Variants in PAPPA2 observed in about 807,000 individuals in gnomAD.
The protein encoded by PAPPA2 is pappalysin-2.
In PAPPA2, 86 loss-of-function variants were observed where a neutral mutation model predicts 176.4. That is an observed-to-expected ratio of 0.49 (90% CI 0.41 to 0.58). The LOEUF (loss-of-function observed/expected upper bound fraction) is 0.58, where lower values mean the gene tolerates loss of function less well. PAPPA2 is among the 20% of genes least tolerant of loss of function. PAPPA2 has a pLI of 0.00. For synonymous variants in PAPPA2, 809 were observed against 852.2 expected (o/e 0.95, Z 0.88); for missense variants, 2,073 against 2,256.9 (o/e 0.92, Z 1.65).
intron 1 of PAPPA2, among the ~76,000 whole-genome samples, chr1:176,470,406 G>A (rs1442281036): frequency 2.6e-5 from 4 of 152,130 alleles, no homozygotes; most frequent in African/African-American, 4.8e-5. Flanking sequence ...CCTTCCCTTA[G>A]TTCCTGGTGA....
At chr1:176,603,962 G>A (rs1654472546) in intron 3 of PAPPA2, among the ~76,000 whole-genome samples, 1 of 152,140 alleles carries the variant, frequency 6.6e-6, no homozygotes, top group Admixed American at 6.5e-5. Context: ...CTGATCTATA[G>A]GGTCATATAG....
At chr1:176,786,277 C>A (rs911286405) in intron 17 of PAPPA2, among the ~76,000 whole-genome samples, 3 of 152,058 alleles carry the variant, frequency 2.0e-5, no homozygotes, top group Non-Finnish European at 4.4e-5. Context: ...CTAAGCAATA[C>A]ATTTCATTTG....
chr1:176,634,245 A>G (rs1425961693), intron 3 of PAPPA2, among the ~76,000 whole-genome samples: 1 of 152,238 alleles, frequency 6.6e-6, no homozygotes, highest in Non-Finnish European at 1.5e-5. Flanking sequence ...CTTATACACC[A>G]TGGAATACTA....
intron 22 of PAPPA2, 51 bp downstream of exon 22, chr1:176,840,322 G>T (rs1225146748): frequency 7.0e-7 from 1 of 1,429,898 alleles, no homozygotes; most frequent in Non-Finnish European, 9.8e-7. Flanking sequence ...AGGAATAAAG[G>T]CAGGGTCTTC....
At chr1:176,676,861 T>C (rs1659325380) in intron 4 of PAPPA2, among the ~76,000 whole-genome samples, 1 of 152,122 alleles carries the variant, frequency 6.6e-6, no homozygotes, top group South Asian at 2.1e-4. Flanking sequence ...TGAATGAAGG[T>C]ATAGTTGAGT....
At chr1:176,679,712 C>T (rs916143838) in intron 4 of PAPPA2, among the ~76,000 whole-genome samples, 3 of 151,802 alleles carry the variant, frequency 2.0e-5, no homozygotes, top group South Asian at 2.1e-4. Flanking sequence ...ACCAGGCCAG[C>T]GAGATAATAT....
intron 12 of PAPPA2, among the ~76,000 whole-genome samples, chr1:176,738,662 C>T (rs921906023): frequency 9.9e-5 from 15 of 151,886 alleles, no homozygotes; most frequent in African/African-American, 3.1e-4. Context: ...CAATATAACA[C>T]CAGGGAAAGT....
intron 4 of PAPPA2, among the ~76,000 whole-genome samples, chr1:176,689,029 A>T (rs531467864): frequency 1.1e-3 from 172 of 152,292 alleles, no homozygotes; most frequent in Middle Eastern, 6.8e-3. Context: ...GGGAACTGGG[A>T]TCAGACCTGT....
chr1:176,743,367 CAGTTTATGACCCTTTG>C (rs1350333381), intron 14 of PAPPA2, among the ~76,000 whole-genome samples: 1 of 152,152 alleles, frequency 6.6e-6, no homozygotes, highest in Non-Finnish European at 1.5e-5. Context: ...GATGACTACC[CAGTTTATGACCCTTTG>C]AGCTTATTCT....
Position 176,842,568 on chromosome 1 carries a change from G to A in PAPPA2, c.*114G>A. On this transcript the variant is annotated 3_prime_UTR_variant, in exon 23 of 23. Coordinates refer to ENST00000367662, the MANE Select transcript of PAPPA2 (RefSeq NM_020318.3). ...AACAATCATGAAATGGAAGAAGGAG[G>A]AAGAGCATGAAGGATCTTATAAGAA... 3.2e-6 allele frequency: 3 copies of A among 942,156 alleles called. No individual in the cohort carries two copies. Among genetic ancestry groups the A allele is most frequent in the African/African-American group, 1.7e-5 (1 of 60,462 alleles). The allele number at this position is 942,156 out of a possible 1,614,324, so 58.4% of individuals were successfully genotyped here.
intron 3 of PAPPA2, among the ~76,000 whole-genome samples, chr1:176,658,043 G>T (rs1209563457): frequency 6.6e-6 from 1 of 151,972 alleles, no homozygotes; most frequent in African/African-American, 2.4e-5. Flanking sequence ...GCTGAGAAAG[G>T]AATGATACTT....
chr1:176,586,265 C>T (rs1382560428), intron 2 of PAPPA2, among the ~76,000 whole-genome samples: 1 of 151,826 alleles, frequency 6.6e-6, no homozygotes, highest in East Asian at 1.9e-4. Context: ...AATATTTTGC[C>T]TCAAATACAA....
chr1:176,489,113 G>A (rs1031018503), intron 1 of PAPPA2, among the ~76,000 whole-genome samples: 2 of 152,152 alleles, frequency 1.3e-5, no homozygotes, highest in African/African-American at 4.8e-5. Flanking sequence ...ACGCAAACAC[G>A]AGCTGTCACA....
chr1:176,651,158 G>T (rs1042757923), intron 3 of PAPPA2, among the ~76,000 whole-genome samples: 2 of 151,678 alleles, frequency 1.3e-5, no homozygotes, highest in Admixed American at 6.6e-5. Context: ...GTTATGAATT[G>T]ATTGCACACC....
intron 4 of PAPPA2, among the ~76,000 whole-genome samples, chr1:176,678,271 G>A (rs935040599): frequency 6.6e-6 from 1 of 151,834 alleles, no homozygotes; most frequent in Non-Finnish European, 1.5e-5. Context: ...TCCAATAATA[G>A]GTTTAATAGT....
At chr1:176,790,115 TA>T in intron 18 of PAPPA2, 138 bp downstream of exon 18, 1 of 987,824 alleles carries the variant, frequency 1.0e-6, no homozygotes, top group Non-Finnish European at 1.5e-6. Flanking sequence ...GTGTTGGTAT[TA>T]TGCAATAGAA....
At chr1:176,726,469 C>T (rs1296557885) in intron 12 of PAPPA2, among the ~76,000 whole-genome samples, 2 of 152,078 alleles carry the variant, frequency 1.3e-5, no homozygotes, top group Non-Finnish European at 1.5e-5. Flanking sequence ...GAATAAATGA[C>T]GAGATATTAA....
intron 1 of PAPPA2, among the ~76,000 whole-genome samples, chr1:176,550,476 G>A (rs1195828375): frequency 6.6e-6 from 1 of 152,286 alleles, no homozygotes; most frequent in Non-Finnish European, 1.5e-5. Flanking sequence ...CTCTCCCCCA[G>A]CCAAAGGGCT....
chr1:176,774,272 G>T (rs1216787190), intron 17 of PAPPA2, among the ~76,000 whole-genome samples: 1 of 152,104 alleles, frequency 6.6e-6, no homozygotes, highest in Non-Finnish European at 1.5e-5. Context: ...GCGTGCTGAT[G>T]ATTCCTAAAT....
Sources: allele counts gnomAD v4.1 joint callset (sites outside exome capture counted in the v4.1 genomes callset), GRCh38; gene constraint gnomAD v4.1.1; transcripts MANE v1.5; gene names NCBI Gene and HGNC (gene_info 2026-07-23, HGNC 2026-07-21).